Variants in DHX32 observed in about 807,000 individuals in gnomAD.
The protein encoded by DHX32 is DEAH-box helicase 32 (putative).
DHX32 carries 51 observed loss-of-function variants against 70.0 expected under a neutral mutation model. The ratio of observed to expected loss-of-function variants is 0.73; its 90% confidence interval spans 0.58 to 0.92. DHX32 has a LOEUF of 0.92. Among genes scored for constraint, DHX32 ranks in the 40% least tolerant of loss-of-function variants. DHX32 has a pLI of 0.00. For missense variants in DHX32, 762 were observed against 891.8 expected (o/e 0.85, Z 1.85); for synonymous variants, 310 against 315.3 (o/e 0.98, Z 0.18).
chr10:125,882,831 T>G (rs201370252), upstream of DHX32, among the ~76,000 whole-genome samples: 1 of 152,184 alleles, frequency 6.6e-6, no homozygotes, highest in Non-Finnish European at 1.5e-5. Flanking sequence ...TGGGAAGGTA[T>G]CCAAGAATCA....
intron 1 of DHX32, among the ~76,000 whole-genome samples, chr10:125,889,016 G>A (rs74771681): frequency 2.6e-5 from 4 of 152,166 alleles, no homozygotes; most frequent in Non-Finnish European, 4.4e-5. Flanking sequence ...GCTGAAGTGC[G>A]CCACTGCACT....
chr10:125,839,448 T>G (rs1242354710), intron 8 of DHX32, among the ~76,000 whole-genome samples: 1 of 152,188 alleles, frequency 6.6e-6, no homozygotes, highest in Non-Finnish European at 1.5e-5. Flanking sequence ...CAGCCAACTG[T>G]GGAAACTGTT....
At chr10:125,874,042 T>C (rs1420072506) in intron 1 of DHX32, among the ~76,000 whole-genome samples, 3 of 152,242 alleles carry the variant, frequency 2.0e-5, no homozygotes, top group Non-Finnish European at 4.4e-5. Flanking sequence ...GAGATGTTTT[T>C]CTCTCTCTTT....
chr10:125,884,486 T>C (rs1183086106), upstream of DHX32, among the ~76,000 whole-genome samples: 4 of 152,240 alleles, frequency 2.6e-5, no homozygotes, highest in Non-Finnish European at 5.9e-5. Context: ...CATACATGTA[T>C]ATTGTAGATG....
chr10:125,858,948 A>G (rs775046910), intron 3 of DHX32, among the ~76,000 whole-genome samples: 8 of 152,060 alleles, frequency 5.3e-5, no homozygotes, highest in Non-Finnish European at 1.2e-4. Context: ...CAGTAACAGA[A>G]TGGAAATGAT....
chr10:125,844,851 C>A (rs998115338), intron 6 of DHX32, among the ~76,000 whole-genome samples: 2 of 152,222 alleles, frequency 1.3e-5, no homozygotes, highest in African/African-American at 4.8e-5. Context: ...AGCTCGCTTG[C>A]CAGCGGCAGC....
intron 2 of DHX32, among the ~76,000 whole-genome samples, chr10:125,861,426 G>A (rs914183993): frequency 6.6e-6 from 1 of 152,162 alleles, no homozygotes; most frequent in South Asian, 2.1e-4. Flanking sequence ...GAACTGGAGA[G>A]GCGGAGCTTG....
At chr10:125,895,830 G>A (rs1345490497) in intron 1 of DHX32, among the ~76,000 whole-genome samples, 1 of 151,220 alleles carries the variant, frequency 6.6e-6, no homozygotes, top group African/African-American at 2.4e-5. Flanking sequence ...GCAAAACCGT[G>A]CTCCTGGCTC....
chr10:125,838,819 T>G (rs2134022103), intron 9 of DHX32, among the ~76,000 whole-genome samples, 182 bp downstream of exon 9: 1 of 152,348 alleles, frequency 6.6e-6, no homozygotes, highest in Admixed American at 6.5e-5. Flanking sequence ...AGACTACATA[T>G]TCTGCCTTGG....
chr10:125,836,955 T>C, intron 10 of DHX32, 100 bp from the exon 11 acceptor site: 2 of 975,216 alleles, frequency 2.1e-6, no homozygotes, highest in Non-Finnish European at 3.1e-6. Flanking sequence ...AGAATCTACC[T>C]GTAGAACCGG....
rs555024948 is a variant in DHX32 at position 125,878,697 on chromosome 10, T to C, written c.282+1846A>G. ...TACCTTGTTTTTCTTGGTGTTTTTTTTTGTTTTGTTTTGTTTTCTTTTTTT... is the reference window on the plus strand; with the variant it reads ...TACCTTGTTTTTCTTGGTGTTTTTTCTTGTTTTGTTTTGTTTTCTTTTTTT... On this transcript the variant is annotated intron_variant, in intron 1 of 10. Transcript: ENST00000284690. 2.0e-5 allele frequency among the ~76,000 whole-genome samples: 3 copies of C among 152,006 alleles called. No individual in the cohort carries two copies. The South Asian group carries it at 6.2e-4, about 32-fold the overall frequency.
At chr10:125,869,825 A>G (rs1279726257) in intron 1 of DHX32, among the ~76,000 whole-genome samples, 1 of 152,150 alleles carries the variant, frequency 6.6e-6, no homozygotes, top group Non-Finnish European at 1.5e-5. Context: ...AGGATCTGAC[A>G]TATGGTAGGG....
chr10:125,871,869 T>C (rs1480430954), intron 1 of DHX32, among the ~76,000 whole-genome samples: 1 of 150,922 alleles, frequency 6.6e-6, no homozygotes, highest in African/African-American at 2.4e-5. Flanking sequence ...TTTCTTTTTT[T>C]TTTTTTTTTT....
At chr10:125,845,733 C>T (rs978063735) in intron 6 of DHX32, among the ~76,000 whole-genome samples, 1 of 152,248 alleles carries the variant, frequency 6.6e-6, no homozygotes, top group Non-Finnish European at 1.5e-5. Flanking sequence ...TGCCCACTGG[C>T]GGGAGCCAAG....
chr10:125,853,326 T>C (rs1230438243), intron 4 of DHX32: 8 of 767,602 alleles, frequency 1.0e-5, no homozygotes, highest in Non-Finnish European at 1.5e-5. Flanking sequence ...TTAGTCAATA[T>C]TTGTTAGTTT....
At chr10:125,854,850 T>A (rs549552429) in intron 3 of DHX32, 1 of 152,350 alleles carries the variant, frequency 6.6e-6, no homozygotes, top group South Asian at 2.1e-4. Flanking sequence ...CCAATTGGAA[T>A]AATGAGAACA....
chr10:125,843,717 C>T (rs1047583158), intron 6 of DHX32, among the ~76,000 whole-genome samples: 1 of 152,190 alleles, frequency 6.6e-6, no homozygotes, highest in African/African-American at 2.4e-5. Context: ...TGGGAAATGA[C>T]TCAGGGAAGC....
rs1323710134 is a variant in DHX32, at chr10:125,866,578, C to A, written c.476+412G>T. ...ATACTGAGTGACTAGGAGGAACTAG[C>A]CGGGCCCGGACATGCTGAGCACAGG... is the stretch of plus-strand genomic sequence containing the variant. On this transcript the variant is annotated intron_variant, in intron 2 of 10. Transcript: ENST00000284690. This position sits in a 1 kb window ranked among gnomAD's most constrained non-coding sequence, Gnocchi z 4.8. 6.6e-6 allele frequency among the ~76,000 whole-genome samples: 1 copy of A among 152,172 alleles called. No homozygotes were observed. Among genetic ancestry groups the A allele is most frequent in the Non-Finnish European group, 1.5e-5 (1 of 68,022 alleles).
At chr10:125,895,686 G>C (rs1234258059) in intron 1 of DHX32, among the ~76,000 whole-genome samples, 28 of 152,294 alleles carry the variant, frequency 1.8e-4, no homozygotes, top group Admixed American at 1.8e-3. Context: ...CAAAACGTGT[G>C]GGCAGATTCC....
Sources: allele counts gnomAD v4.1 joint callset (sites outside exome capture counted in the v4.1 genomes callset), GRCh38; gene constraint gnomAD v4.1.1; non-coding constraint Gnocchi (gnomAD v3.1); transcripts MANE v1.5; gene names NCBI Gene and HGNC (gene_info 2026-07-23, HGNC 2026-07-21).